CCSER1: variants seen among roughly 807,000 people sequenced by gnomAD.
The protein encoded by CCSER1 is serine-rich coiled-coil domain-containing protein 1.
In CCSER1, 41 loss-of-function variants were observed where a neutral mutation model predicts 82.0. The observed-to-expected ratio is 0.50, with a 90% CI of 0.39 to 0.65. The LOEUF (loss-of-function observed/expected upper bound fraction) is 0.65, where lower values mean the gene tolerates loss of function less well. Ranked by LOEUF, CCSER1 falls within the 30% of genes least tolerant of loss-of-function variation. The pLI is 0.00. For synonymous variants in CCSER1, 414 were observed against 383.9 expected, an observed-to-expected ratio of 1.08 and a Z score of -0.92; for missense variants, 1,119 against 1,064.2, an observed-to-expected ratio of 1.05 and a Z score of -0.72.
intron 1 of CCSER1, among the ~76,000 whole-genome samples, chr4:90,157,826 C>T (rs1191350141): frequency 6.6e-6 from 1 of 152,186 alleles, no homozygotes; most frequent in Non-Finnish European, 1.5e-5. Context: ...TGAATTTCCT[C>T]CTGTAGCTCG....
chr4:90,619,417 C>G (rs1721899117), intron 5 of CCSER1, among the ~76,000 whole-genome samples: 1 of 151,924 alleles, frequency 6.6e-6, no homozygotes, highest in African/African-American at 2.4e-5. Context: ...TGATGAATTG[C>G]ATGAAGGGCT....
At chr4:90,922,595 T>C (rs911044952) in intron 8 of CCSER1, among the ~76,000 whole-genome samples, 1 of 152,130 alleles carries the variant, frequency 6.6e-6, no homozygotes, top group African/African-American at 2.4e-5. Flanking sequence ...TAAATTGTAT[T>C]GTTTTTATTT....
chr4:90,909,579 C>G (rs990269793), intron 8 of CCSER1, among the ~76,000 whole-genome samples: 2 of 152,200 alleles, frequency 1.3e-5, no homozygotes, highest in Admixed American at 6.5e-5. Flanking sequence ...ATCAGAGTTT[C>G]TATCATGCCT....
chr4:91,559,653 G>T (rs1259608411), intron 10 of CCSER1, among the ~76,000 whole-genome samples: 1 of 151,344 alleles, frequency 6.6e-6, no homozygotes, highest in Middle Eastern at 3.2e-3. Context: ...ATTCCCAAGA[G>T]ATATCTTAAT....
At chr4:91,046,679 T>A (rs1742518923) in intron 9 of CCSER1, among the ~76,000 whole-genome samples, 1 of 152,016 alleles carries the variant, frequency 6.6e-6, no homozygotes, top group Admixed American at 6.6e-5. Context: ...AGGGAGAGGA[T>A]AATATGTTTT....
chr4:90,997,797 T>A (rs1323835252), intron 9 of CCSER1, among the ~76,000 whole-genome samples: 6 of 152,158 alleles, frequency 3.9e-5, no homozygotes, highest in Non-Finnish European at 8.8e-5. Flanking sequence ...ATTTCTCCCT[T>A]GGAAACTTTA....
chr4:91,286,013 AT>A (rs1743250928), intron 10 of CCSER1, among the ~76,000 whole-genome samples: 1 of 151,564 alleles, frequency 6.6e-6, no homozygotes, highest in South Asian at 2.1e-4. Flanking sequence ...GGTGTGATGA[AT>A]ACTTTCCTGA....
At chr4:90,563,583 C>T (rs920285646) in intron 5 of CCSER1, among the ~76,000 whole-genome samples, 3 of 152,120 alleles carry the variant, frequency 2.0e-5, no homozygotes, top group African/African-American at 7.2e-5. Flanking sequence ...TAGTGTCTTC[C>T]AGGTTCATCT....
In CCSER1 at chr4:90,596,223, T is replaced by G. The variant is rs933615880; in HGVS notation, c.1725-31802T>G. Among the ~76,000 whole-genome samples the G allele has an allele frequency of 2.4e-4, 36 of 152,012 alleles. 1 individual carries two copies. The highest frequency in any genetic ancestry group is 8.4e-4 in the African/African-American group (35 of 41,538). On this transcript the variant is annotated intron_variant, in intron 5 of 10. Transcript: ENST00000509176. ...AAACATGTGTTAAACTAAAAACAAA[T>G]TGTAAAAAATTTAAATGAAAATATT...
At chr4:91,553,094 A>AT (rs1484639858) in intron 10 of CCSER1, among the ~76,000 whole-genome samples, 1 of 151,504 alleles carries the variant, frequency 6.6e-6, no homozygotes, top group Non-Finnish European at 1.5e-5. Context: ...TTTTTTGAGT[A>AT]TTTTTATCAT....
intron 10 of CCSER1, among the ~76,000 whole-genome samples, chr4:91,100,376 T>C (rs200916416): frequency 2.9e-5 from 2 of 69,128 alleles, no homozygotes; most frequent in Non-Finnish European, 7.9e-5. Context: ...GTTACTATTA[T>C]TATTATTATT....
intron 7 of CCSER1, among the ~76,000 whole-genome samples, chr4:90,804,063 G>GT (rs1580548747): frequency 6.6e-6 from 1 of 151,964 alleles, no homozygotes; most frequent in South Asian, 2.1e-4. Context: ...GGGGTTGTTT[G>GT]TTTTTTTCTT....
At chr4:90,760,656 A>T (rs1466896953) in intron 7 of CCSER1, among the ~76,000 whole-genome samples, 2 of 152,120 alleles carry the variant, frequency 1.3e-5, no homozygotes, top group East Asian at 1.9e-4. Flanking sequence ...CTATATCATT[A>T]AGGAACCAAA....
intron 6 of CCSER1, among the ~76,000 whole-genome samples, chr4:90,716,337 T>G (rs1026784004): frequency 1.3e-5 from 2 of 151,956 alleles, no homozygotes; most frequent in Non-Finnish European, 2.9e-5. Flanking sequence ...ATCCAGGCAT[T>G]TTTGTGATAA....
chr4:90,865,498 A>G (rs1345563447), intron 8 of CCSER1, among the ~76,000 whole-genome samples: 1 of 152,026 alleles, frequency 6.6e-6, no homozygotes, highest in Non-Finnish European at 1.5e-5. Context: ...TATCTCTGAT[A>G]TGTGTTTGCC....
intron 8 of CCSER1, among the ~76,000 whole-genome samples, chr4:90,901,338 T>G (rs1724625763): frequency 6.6e-6 from 1 of 152,070 alleles, no homozygotes; most frequent in African/African-American, 2.4e-5. Flanking sequence ...CATAGTATTG[T>G]TAGCTAGTTG....
intron 9 of CCSER1, among the ~76,000 whole-genome samples, chr4:91,063,466 GTAA>G (rs1744123780): frequency 6.6e-6 from 1 of 152,094 alleles, no homozygotes; most frequent in South Asian, 2.1e-4. Context: ...TTCTTGCATG[GTAA>G]TAATCAAATG....
chr4:91,365,083 G>A (rs1354393400), intron 10 of CCSER1, among the ~76,000 whole-genome samples: 8 of 152,080 alleles, frequency 5.3e-5, no homozygotes, highest in Non-Finnish European at 1.2e-4. Context: ...TAGTGTTCGA[G>A]GCAAGTTTAG....
At chr4:90,220,814 T>C (rs1560821544) in intron 1 of CCSER1, among the ~76,000 whole-genome samples, 1 of 152,222 alleles carries the variant, frequency 6.6e-6, no homozygotes, top group Non-Finnish European at 1.5e-5. Flanking sequence ...TCAGATGCAA[T>C]TTAGATGTAT....
Sources: allele counts gnomAD v4.1 joint callset (sites outside exome capture counted in the v4.1 genomes callset), GRCh38; gene constraint gnomAD v4.1.1; transcripts MANE v1.5; gene names NCBI Gene and HGNC (gene_info 2026-07-23, HGNC 2026-07-21).